The following BFAR variants were observed in gnomAD, a reference collection of about 807,000 sequenced individuals.
BFAR encodes bifunctional apoptosis regulator, also known as RING finger protein 47.
In BFAR, 52 loss-of-function variants were observed where a neutral mutation model predicts 54.4. That is an observed-to-expected ratio of 0.96 (90% CI 0.77 to 1.21). BFAR has a LOEUF of 1.21. Among genes scored for constraint, BFAR ranks in the 50% most tolerant of loss-of-function variants. The probability of loss-of-function intolerance (pLI) is 0.00; values close to 1 mark genes in which losing one functional copy is unlikely to be tolerated. For synonymous variants in BFAR, 215 were observed against 204.3 expected, an observed-to-expected ratio of 1.05 and a Z score of -0.45; for missense variants, 571 against 534.0, an observed-to-expected ratio of 1.07 and a Z score of -0.68.
At chr16:14,635,736 A>G (rs191555266) in intron 1 of BFAR, among the ~76,000 whole-genome samples, 15 of 152,020 alleles carry the variant, frequency 9.9e-5, no homozygotes, top group Non-Finnish European at 1.0e-4. Context: ...TTTATACAGT[A>G]AGTGACTGGA....
intron 5 of BFAR, among the ~76,000 whole-genome samples, chr16:14,660,574 C>T (rs565693821): frequency 7.6e-4 from 110 of 144,820 alleles, no homozygotes; most frequent in African/African-American, 2.4e-3. Context: ...TGTGAGCCAC[C>T]GCACTCGGCC....
intron 3 of BFAR, among the ~76,000 whole-genome samples, chr16:14,649,404 A>G (rs1442919802): frequency 6.6e-6 from 1 of 152,118 alleles, no homozygotes; most frequent in African/African-American, 2.4e-5. Flanking sequence ...TTAAGAACCC[A>G]CCAGTTTACT....
intron 7 of BFAR, among the ~76,000 whole-genome samples, chr16:14,665,920 GATA>G (rs1567497429): frequency 6.6e-6 from 1 of 152,096 alleles, no homozygotes; most frequent in Non-Finnish European, 1.5e-5. Context: ...AACCAACTAG[GATA>G]ATAATAACTT....
intron 7 of BFAR, among the ~76,000 whole-genome samples, chr16:14,666,658 A>G (rs1391211469): frequency 6.6e-6 from 1 of 152,184 alleles, no homozygotes. Context: ...TTTTACCTTG[A>G]CATTCTGACT....
intron 5 of BFAR, among the ~76,000 whole-genome samples, chr16:14,660,262 G>A (rs557485145): frequency 5.9e-5 from 9 of 152,056 alleles, no homozygotes; most frequent in African/African-American, 7.2e-5. Context: ...ATTTTATTTT[G>A]ATGCTACTAA....
chr16:14,647,062 C>A (rs553102511), intron 2 of BFAR, among the ~76,000 whole-genome samples: 1 of 152,178 alleles, frequency 6.6e-6, no homozygotes, highest in East Asian at 1.9e-4. Context: ...CAGGCGTGAG[C>A]CACTACACCC....
At chr16:14,647,218 G>A (rs755208340) in intron 2 of BFAR, among the ~76,000 whole-genome samples, 61 of 151,974 alleles carry the variant, frequency 4.0e-4, no homozygotes, top group Non-Finnish European at 7.4e-4. Flanking sequence ...CCAAGTAGCT[G>A]GGATTACAGG....
intron 5 of BFAR, among the ~76,000 whole-genome samples, chr16:14,655,426 AT>A (rs1003151578): frequency 1.3e-5 from 2 of 150,736 alleles, no homozygotes; most frequent in Non-Finnish European, 3.0e-5. Flanking sequence ...GGTTCAAGTG[AT>A]TATCCTACCT....
chr16:14,667,334 C>T (rs1346170461), intron 7 of BFAR: 4 of 380,796 alleles, frequency 1.1e-5, no homozygotes, highest in Non-Finnish European at 1.9e-5. Context: ...GGAATGAGAC[C>T]CTGTCTCAAA....
chr16:14,655,293 T>C (rs1262801973), intron 5 of BFAR, 83 bp downstream of exon 5: 2 of 1,068,590 alleles, frequency 1.9e-6, no homozygotes, highest in Non-Finnish European at 2.4e-6. Flanking sequence ...GGTTTTCTTT[T>C]TTATTTTTGA....
At chr16:14,637,977 TCA>T (rs1959506450) in intron 1 of BFAR, among the ~76,000 whole-genome samples, 2 of 151,522 alleles carry the variant, frequency 1.3e-5, no homozygotes, top group Admixed American at 1.3e-4. Context: ...ATACAGGCAA[TCA>T]TTGCGAAGTA....
rs1200577933 is a variant in BFAR at position 14,669,098 on chromosome 16, A to C, written c.*1271A>C. The C allele has an allele frequency of 1.8e-5, 8 of 453,694 alleles. No individual in the cohort carries two copies. The highest frequency in any genetic ancestry group is 4.7e-5 in the Admixed American group (2 of 42,332). 28.1% of individuals were successfully genotyped at this position (453,694 alleles called of 1,614,324 possible). A position where few individuals can be genotyped will look rare whatever the true frequency, so the allele number is the denominator to read the frequency against. On this transcript the variant is annotated 3_prime_UTR_variant, in exon 8 of 8. Coordinates refer to ENST00000261658, the MANE Select transcript of BFAR (RefSeq NM_016561.3). ...GCCTTGCAGAAATAGGCCTACATCCAAAATATTATCTTGTGACTCCATGAA... is the reference window on the plus strand; with the variant it reads ...GCCTTGCAGAAATAGGCCTACATCCCAAATATTATCTTGTGACTCCATGAA...
At chr16:14,665,689 TTACGTGATG>T (rs1194558962) in intron 7 of BFAR, among the ~76,000 whole-genome samples, 1 of 152,124 alleles carries the variant, frequency 6.6e-6, no homozygotes, top group Non-Finnish European at 1.5e-5. Flanking sequence ...AGGGCAGGAT[TTACGTGATG>T]TACGTGCTCT....
At chr16:14,654,105 G>A (rs1177611836) in intron 4 of BFAR, among the ~76,000 whole-genome samples, 3 of 144,758 alleles carry the variant, frequency 2.1e-5, no homozygotes, top group Non-Finnish European at 3.0e-5. Flanking sequence ...TCCGCCTTCC[G>A]GGTTCACGCC....
chr16:14,635,760 C>CTT (rs879348101), intron 1 of BFAR, among the ~76,000 whole-genome samples: 2 of 144,758 alleles, frequency 1.4e-5, no homozygotes, highest in Non-Finnish European at 1.5e-5. Flanking sequence ...GCTTCTCTCT[C>CTT]TTTTTTTTTT....
At chr16:14,658,648 G>A (rs1960195226) in intron 5 of BFAR, among the ~76,000 whole-genome samples, 2 of 151,710 alleles carry the variant, frequency 1.3e-5, no homozygotes, top group African/African-American at 2.4e-5. Flanking sequence ...CAGGAGAGTG[G>A]CGTGAACCCG....
At chr16:14,642,036 G>A (rs973354985) in intron 1 of BFAR, among the ~76,000 whole-genome samples, 1 of 152,106 alleles carries the variant, frequency 6.6e-6, no homozygotes, top group South Asian at 2.1e-4. Context: ...GAGCCTCACC[G>A]CTGGTAAATG....
chr16:14,656,150 C>G (rs116050566), intron 5 of BFAR, among the ~76,000 whole-genome samples: 1 of 151,636 alleles, frequency 6.6e-6, no homozygotes, highest in Non-Finnish European at 1.5e-5. Context: ...CTGCGGTAGC[C>G]GAGATCACAC....
At chr16:14,666,692 G>A (rs1171531331) in intron 7 of BFAR, among the ~76,000 whole-genome samples, 1 of 152,126 alleles carries the variant, frequency 6.6e-6, no homozygotes, top group Non-Finnish European at 1.5e-5. Context: ...ATGGTTCTGA[G>A]AACCTAACAA....
Sources: gnomAD v4.1 joint callset for allele counts (sites outside exome capture counted in the v4.1 genomes callset) on GRCh38, gnomAD v4.1.1 for gene constraint, MANE v1.5 for transcripts, NCBI Gene and HGNC (gene_info 2026-07-23, HGNC 2026-07-21) for gene names.